Variants in ADCY2 observed in about 807,000 individuals in gnomAD.
ADCY2 encodes the protein adenylate cyclase 2.
Under a neutral mutation model 125.2 loss-of-function variants are expected in ADCY2, and 31 were observed. The observed-to-expected ratio is 0.25, with a 90% CI of 0.19 to 0.33. The LOEUF (loss-of-function observed/expected upper bound fraction) is 0.33. ADCY2 is among the 10% of genes least tolerant of loss of function. ADCY2 has a pLI of 1.00. For missense variants in ADCY2, 904 were observed against 1,418.2 expected (o/e 0.64, Z 5.82); for synonymous variants, 512 against 548.4 (o/e 0.93, Z 0.93).
chr5:7,721,944 T>G (rs1424635964), intron 12 of ADCY2, among the ~76,000 whole-genome samples: 1 of 152,256 alleles, frequency 6.6e-6, no homozygotes, highest in East Asian at 1.9e-4. Context: ...TTGAGATATC[T>G]GTGTTCTAAA....
chr5:7,717,753 AG>A (rs1000442741), intron 12 of ADCY2, among the ~76,000 whole-genome samples: 3 of 152,208 alleles, frequency 2.0e-5, no homozygotes, highest in African/African-American at 7.2e-5. Flanking sequence ...TAAATGGTCC[AG>A]AGTTGTGGGA....
At chr5:7,516,011 T>C (rs912458438) in intron 2 of ADCY2, among the ~76,000 whole-genome samples, 1 of 152,164 alleles carries the variant, frequency 6.6e-6, no homozygotes, top group Non-Finnish European at 1.5e-5. Context: ...ACGTGAGACC[T>C]GTGCATTCAG....
At chr5:7,491,716 C>G (rs1013437040) in intron 2 of ADCY2, among the ~76,000 whole-genome samples, 1 of 152,072 alleles carries the variant, frequency 6.6e-6, no homozygotes, top group Non-Finnish European at 1.5e-5. Context: ...TAGCCCCTAA[C>G]TGGGTTGTTG....
intron 2 of ADCY2, among the ~76,000 whole-genome samples, chr5:7,466,941 C>T (rs1014048518): frequency 6.6e-6 from 1 of 152,102 alleles, no homozygotes; most frequent in African/African-American, 2.4e-5. Context: ...AAGTGGTATG[C>T]ATTTAGTAGA....
At chr5:7,815,484 G>A (rs1745080202) in intron 22 of ADCY2, among the ~76,000 whole-genome samples, 3 of 152,176 alleles carry the variant, frequency 2.0e-5, no homozygotes, top group Admixed American at 1.3e-4. Context: ...GCACAGAATC[G>A]TTAAGTATTG....
intron 2 of ADCY2, among the ~76,000 whole-genome samples, chr5:7,448,907 T>C (rs1741375518): frequency 1.3e-5 from 2 of 152,226 alleles, no homozygotes; most frequent in African/African-American, 2.4e-5. Flanking sequence ...TTTCATGTCT[T>C]TGTTATTGTG....
At chr5:7,471,569 A>T (rs1464452738) in intron 2 of ADCY2, among the ~76,000 whole-genome samples, 1 of 152,006 alleles carries the variant, frequency 6.6e-6, no homozygotes, top group Non-Finnish European at 1.5e-5. Flanking sequence ...ACAAATCTAT[A>T]ATATGTGGCT....
chr5:7,622,100 A>AG (rs1338030966), intron 3 of ADCY2, among the ~76,000 whole-genome samples: 1 of 152,254 alleles, frequency 6.6e-6, no homozygotes, highest in East Asian at 1.9e-4. Flanking sequence ...GTATGATGTT[A>AG]TAAAACAAAC....
At chr5:7,613,212 A>C (rs1040842247) in intron 3 of ADCY2, among the ~76,000 whole-genome samples, 4 of 152,116 alleles carry the variant, frequency 2.6e-5, no homozygotes, top group African/African-American at 9.7e-5. Context: ...CTGAGCTCTG[A>C]GACAGGCACA....
intron 2 of ADCY2, among the ~76,000 whole-genome samples, chr5:7,422,900 A>G (rs1406320834): frequency 1.3e-5 from 2 of 152,176 alleles, no homozygotes; most frequent in East Asian, 3.9e-4. Context: ...TAGTGCAGTC[A>G]CTTGGAATGC....
intron 3 of ADCY2, among the ~76,000 whole-genome samples, chr5:7,589,266 T>C (rs1476405788): frequency 6.6e-6 from 1 of 151,704 alleles, no homozygotes. Flanking sequence ...GGAAAACAGA[T>C]GAAAAACATA....
chr5:7,729,277 C>T (rs868682194), intron 14 of ADCY2, among the ~76,000 whole-genome samples: 9 of 152,180 alleles, frequency 5.9e-5, no homozygotes, highest in South Asian at 2.1e-4. Flanking sequence ...TAAACACACA[C>T]GTGTCCACAA....
chr5:7,532,851 G>C (rs921423465), intron 3 of ADCY2, among the ~76,000 whole-genome samples: 6 of 151,844 alleles, frequency 4.0e-5, no homozygotes, highest in Non-Finnish European at 1.5e-5. Context: ...AACTCAATAA[G>C]GATTTTGCAC....
At chr5:7,744,904 A>G (rs1742550036) in intron 15 of ADCY2, among the ~76,000 whole-genome samples, 1 of 152,254 alleles carries the variant, frequency 6.6e-6, no homozygotes, top group Non-Finnish European at 1.5e-5. Flanking sequence ...TGTCAAAATT[A>G]TGATTTCTTC....
chr5:7,562,074 G>A (rs1463355176), intron 3 of ADCY2, among the ~76,000 whole-genome samples: 2 of 151,948 alleles, frequency 1.3e-5, no homozygotes, highest in Non-Finnish European at 2.9e-5. Flanking sequence ...TTCCATGAAT[G>A]GGTTTATAAT....
chr5:7,475,273 C>T (rs746566469), intron 2 of ADCY2, among the ~76,000 whole-genome samples: 1 of 152,180 alleles, frequency 6.6e-6, no homozygotes, highest in African/African-American at 2.4e-5. Context: ...TGAACAAGGC[C>T]TGAATCTCCT....
rs138436408 is a variant in ADCY2 at position 7,520,796 on chromosome 5, G to A, written c.467G>A (p.Arg156Gln). The A allele has an allele frequency of 6.8e-6, 11 of 1,614,106 alleles. No homozygotes were observed. In the Middle Eastern group the frequency reaches 8.2e-4, roughly 121 times the overall value. ...TACACCATGCTGCCCTTCAACATGC[G>A]AGACGCCATCATTGCCAGCGTCCTC... Reference protein sequence around the residue: ...VVYTMLPFNMRDAIIASVLTS... With the variant: ...VVYTMLPFNMQDAIIASVLTS... The change falls in exon 3 of 25, where the codon CGA becomes CAA. Residue 156 changes from arginine to glutamine, a missense_variant. Physicochemically the swap from Arg to Gln is conservative, Grantham distance 43. This residue lies in a region of ADCY2 where 121 missense variants were observed against 161.5 expected (regional missense o/e 0.75). Transcript: ENST00000338316.
At chr5:7,577,182 A>C (rs1167774012) in intron 3 of ADCY2, among the ~76,000 whole-genome samples, 3 of 152,214 alleles carry the variant, frequency 2.0e-5, no homozygotes, top group Non-Finnish European at 2.9e-5. Context: ...TGGTTGTTAA[A>C]GTATTCCAGG....
intron 6 of ADCY2, 140 bp downstream of exon 6, chr5:7,696,003 G>C (rs558775105): frequency 9.6e-5 from 54 of 561,630 alleles, no homozygotes; most frequent in Non-Finnish European, 8.9e-6. Flanking sequence ...GGATTTCTTT[G>C]CTATTGATCT....
Sources: gnomAD v4.1 joint callset for allele counts (sites outside exome capture counted in the v4.1 genomes callset) on GRCh38, gnomAD v4.1.1 for gene constraint, gnomAD v4.1.1 regional missense constraint, MANE v1.5 for transcripts, NCBI Gene and HGNC (gene_info 2026-07-23, HGNC 2026-07-21) for gene names.